PTPRM: variants seen among roughly 807,000 people sequenced by gnomAD.
The protein encoded by PTPRM is receptor-type tyrosine-protein phosphatase mu.
A neutral mutation model predicts 186.7 loss-of-function variants in PTPRM; 47 were observed. That is an observed-to-expected ratio of 0.25 (90% confidence interval 0.20 to 0.32). The LOEUF is 0.32. Ranked by LOEUF, PTPRM falls within the 10% of genes least tolerant of loss-of-function variation. The probability of loss-of-function intolerance (pLI) is 1.00; values close to 1 mark genes in which losing one functional copy is unlikely to be tolerated. For missense variants in PTPRM, 1,494 were observed against 1,865.0 expected, an observed-to-expected ratio of 0.80 and a Z score of 3.66; for synonymous variants, 668 against 674.9, an observed-to-expected ratio of 0.99 and a Z score of 0.16.
At chr18:7,624,180 T>C (rs2038005491) in intron 1 of PTPRM, among the ~76,000 whole-genome samples, 1 of 152,176 alleles carries the variant, frequency 6.6e-6, no homozygotes, top group Admixed American at 6.5e-5. Flanking sequence ...TTTATAGCGG[T>C]GAGTGGGACC....
intron 1 of PTPRM, among the ~76,000 whole-genome samples, chr18:7,732,747 C>G (rs1598455203): frequency 6.6e-6 from 1 of 152,216 alleles, no homozygotes; most frequent in East Asian, 1.9e-4. Flanking sequence ...TCAAGTGGTC[C>G]TCCCACCTTG....
chr18:8,020,368 A>G (rs1041017740), intron 7 of PTPRM, among the ~76,000 whole-genome samples: 4 of 152,114 alleles, frequency 2.6e-5, no homozygotes, highest in Non-Finnish European at 4.4e-5. Flanking sequence ...CCTTTTCAGT[A>G]TTTCTCTACA....
intron 2 of PTPRM, among the ~76,000 whole-genome samples, chr18:7,874,863 T>C (rs564906971): frequency 6.6e-6 from 1 of 152,244 alleles, no homozygotes; most frequent in Admixed American, 6.5e-5. Flanking sequence ...CTGAAAACAC[T>C]AGGAGAAACA....
At chr18:8,303,773 G>C (rs566904923) in intron 20 of PTPRM, among the ~76,000 whole-genome samples, 3 of 152,262 alleles carry the variant, frequency 2.0e-5, no homozygotes, top group Admixed American at 6.5e-5. Flanking sequence ...CAAACTTCCT[G>C]CTCAGAACCT....
chr18:8,150,853 TGTTTGTTA>T (rs2092989778), intron 14 of PTPRM, among the ~76,000 whole-genome samples: 1 of 152,188 alleles, frequency 6.6e-6, no homozygotes, highest in South Asian at 2.1e-4. Flanking sequence ...TATTCCTTTC[TGTTTGTTA>T]GTTTTCCTTC....
intron 13 of PTPRM, among the ~76,000 whole-genome samples, chr18:8,137,816 C>T (rs555430634): frequency 3.3e-5 from 5 of 152,168 alleles, no homozygotes; most frequent in South Asian, 4.1e-4. Flanking sequence ...CATTCATTAT[C>T]GCAGCCTCTG....
intron 2 of PTPRM, among the ~76,000 whole-genome samples, chr18:7,827,121 A>G (rs2045526824): frequency 6.6e-6 from 1 of 152,058 alleles, no homozygotes; most frequent in Non-Finnish European, 1.5e-5. Flanking sequence ...AAAACAAAAC[A>G]TCTTATTGTG....
At chr18:7,911,574 T>C (rs1379955182) in intron 4 of PTPRM, among the ~76,000 whole-genome samples, 3 of 152,154 alleles carry the variant, frequency 2.0e-5, no homozygotes, top group Non-Finnish European at 4.4e-5. Flanking sequence ...GAGTTGTTTA[T>C]CTTTTTATTA....
chr18:7,788,006 C>T (rs568639258), intron 2 of PTPRM, among the ~76,000 whole-genome samples: 1 of 152,124 alleles, frequency 6.6e-6, no homozygotes. Flanking sequence ...TGTGGCCTCC[C>T]TGAAAGGGTC....
rs558098335 is a variant in PTPRM at position 8,289,770 on chromosome 18, C to G, written c.2755-6598C>G. Reference sequence around the variant, plus strand: ...CTGAATCCTGCAAAACAGAAAAATTCTGCACAATTTCACGTTGGATTAAGT... The same window carrying G: ...CTGAATCCTGCAAAACAGAAAAATTGTGCACAATTTCACGTTGGATTAAGT... On this transcript the variant is annotated intron_variant, in intron 19 of 32. Transcript: ENST00000580170. Among the ~76,000 whole-genome samples, 6 of 151,844 alleles carry G rather than the reference C, an allele frequency of 4.0e-5. No homozygotes were observed. The South Asian group carries it at 1.2e-3, about 32-fold the overall frequency.
chr18:7,694,123 TGTG>T (rs2039791962), intron 1 of PTPRM, among the ~76,000 whole-genome samples: 1 of 152,124 alleles, frequency 6.6e-6, no homozygotes, highest in Non-Finnish European at 1.5e-5. Context: ...ATTCTGGCAG[TGTG>T]GTCTTCTCCA....
At chr18:8,284,090 T>C (rs1298726827) in intron 19 of PTPRM, among the ~76,000 whole-genome samples, 2 of 152,372 alleles carry the variant, frequency 1.3e-5, no homozygotes, top group South Asian at 2.1e-4. Context: ...AGTCTAGCTA[T>C]TGTGTGAAAG....
intron 8 of PTPRM, among the ~76,000 whole-genome samples, chr18:8,071,451 G>T (rs1039968102): frequency 6.6e-6 from 1 of 151,860 alleles, no homozygotes; most frequent in Non-Finnish European, 1.5e-5. Context: ...CTATTCTAAT[G>T]TCCCCCTACT....
chr18:8,264,700 T>C (rs549164802), intron 19 of PTPRM, among the ~76,000 whole-genome samples: 36 of 143,924 alleles, frequency 2.5e-4, no homozygotes, highest in African/African-American at 9.4e-4. Flanking sequence ...ACCCAGCAGG[T>C]GGAGGTTGCA....
chr18:7,948,026 G>C (rs1568056577), intron 5 of PTPRM, among the ~76,000 whole-genome samples: 2 of 151,826 alleles, frequency 1.3e-5, no homozygotes, highest in Admixed American at 6.6e-5. Flanking sequence ...TGGGCATTAC[G>C]CTTGGCATAA....
At chr18:7,828,830 G>A (rs906640420) in intron 2 of PTPRM, among the ~76,000 whole-genome samples, 2 of 152,158 alleles carry the variant, frequency 1.3e-5, no homozygotes, top group African/African-American at 4.8e-5. Flanking sequence ...TAGTGTTCTT[G>A]TAAAGGTAAA....
intron 1 of PTPRM, among the ~76,000 whole-genome samples, chr18:7,594,340 C>T (rs954145301): frequency 6.6e-6 from 1 of 151,944 alleles, no homozygotes; most frequent in African/African-American, 2.4e-5. Context: ...ATTAGCTGGG[C>T]ATGATGGCAG....
At chr18:8,271,749 TC>T (rs1225430975) in intron 19 of PTPRM, among the ~76,000 whole-genome samples, 2 of 152,180 alleles carry the variant, frequency 1.3e-5, no homozygotes, top group African/African-American at 4.8e-5. Context: ...CTACATTTTA[TC>T]TTTTTTATTT....
At chr18:8,083,617 C>G (rs553770691) in intron 9 of PTPRM, among the ~76,000 whole-genome samples, 1 of 152,108 alleles carries the variant, frequency 6.6e-6, no homozygotes, top group African/African-American at 2.4e-5. Flanking sequence ...CTGTATGCCT[C>G]CCCAGCTCCA....
Sources: allele counts gnomAD v4.1 joint callset (sites outside exome capture counted in the v4.1 genomes callset), GRCh38; gene constraint gnomAD v4.1.1; transcripts MANE v1.5; gene names NCBI Gene and HGNC (gene_info 2026-07-23, HGNC 2026-07-21).